Variants in EXOC4 observed in about 807,000 individuals in gnomAD.
The protein encoded by EXOC4 is exocyst complex component 4, also known as SEC8-like 1.
A neutral mutation model predicts 107.2 loss-of-function variants in EXOC4; 71 were observed. The observed-to-expected ratio is 0.66, with a 90% CI of 0.55 to 0.81. The LOEUF is 0.81. EXOC4 is among the 30% of genes least tolerant of loss of function. The pLI, the probability that EXOC4 is intolerant of heterozygous loss-of-function variation, is 0.00. For synonymous variants in EXOC4, 456 were observed against 441.2 expected, an observed-to-expected ratio of 1.03 and a Z score of -0.42; for missense variants, 1,108 against 1,189.6, an observed-to-expected ratio of 0.93 and a Z score of 1.01.
At chr7:133,713,350 A>G (rs1794933371) in intron 10 of EXOC4, among the ~76,000 whole-genome samples, 1 of 152,170 alleles carries the variant, frequency 6.6e-6, no homozygotes, top group Non-Finnish European at 1.5e-5. Flanking sequence ...AATGGGGATT[A>G]TTCTTTGACT....
At chr7:133,443,186 G>A (rs569395023) in intron 7 of EXOC4, among the ~76,000 whole-genome samples, 4 of 152,238 alleles carry the variant, frequency 2.6e-5, no homozygotes, top group South Asian at 2.1e-4. Flanking sequence ...AGGATCTCAG[G>A]CACAGGCATG....
intron 7 of EXOC4, among the ~76,000 whole-genome samples, chr7:133,467,417 C>T (rs1798756591): frequency 6.6e-6 from 1 of 151,864 alleles, no homozygotes; most frequent in Non-Finnish European, 1.5e-5. Context: ...TTTTCCTGAT[C>T]ATTCATTTTT....
intron 17 of EXOC4, among the ~76,000 whole-genome samples, chr7:134,038,679 C>A (rs1279589216): frequency 6.6e-6 from 1 of 152,142 alleles, no homozygotes; most frequent in Non-Finnish European, 1.5e-5. Context: ...CCTTCGCTAT[C>A]CTCCACGGCC....
At chr7:133,573,181 C>CA (rs560908983) in intron 9 of EXOC4, among the ~76,000 whole-genome samples, 1 of 151,946 alleles carries the variant, frequency 6.6e-6, no homozygotes, top group Non-Finnish European at 1.5e-5. Flanking sequence ...TTAATACAAA[C>CA]AAAAAAATAC....
chr7:133,706,727 C>G (rs188617114), intron 10 of EXOC4, among the ~76,000 whole-genome samples: 1 of 152,294 alleles, frequency 6.6e-6, no homozygotes, highest in Non-Finnish European at 1.5e-5. Flanking sequence ...GAGCACACCT[C>G]CATTTGGACT....
chr7:133,557,798 C>G (rs1800722383), intron 9 of EXOC4, among the ~76,000 whole-genome samples: 1 of 152,148 alleles, frequency 6.6e-6, no homozygotes, highest in Non-Finnish European at 1.5e-5. Context: ...CAAGACCAGC[C>G]TAACCAACAT....
rs1452492593 is a variant in EXOC4, at chr7:133,458,876, C to T, written c.1183-16452C>T. On this transcript the variant is annotated intron_variant, in intron 7 of 17. Coordinates refer to ENST00000253861, the MANE Select transcript of EXOC4 (RefSeq NM_021807.4). The stretch of plus-strand genomic sequence containing the variant: ...GCCCTCCCTCCCACCCCCACACCCC[C>T]GCCCTGTGAAGGGCAATATATTCTC... 1.4e-4 allele frequency among the ~76,000 whole-genome samples: 21 copies of T among 150,990 alleles called. 1 individual carries two copies. Among genetic ancestry groups the T allele is most frequent in the South Asian group, 1.3e-3 (6 of 4,674 alleles).
At chr7:133,669,845 T>C (rs1445776354) in intron 10 of EXOC4, among the ~76,000 whole-genome samples, 2 of 152,236 alleles carry the variant, frequency 1.3e-5, no homozygotes, top group Admixed American at 6.5e-5. Flanking sequence ...TTACAAGGAC[T>C]CTAAGGAATG....
intron 10 of EXOC4, among the ~76,000 whole-genome samples, chr7:133,804,740 C>T (rs367581306): frequency 5.9e-5 from 9 of 152,128 alleles, no homozygotes; most frequent in African/African-American, 1.4e-4. Flanking sequence ...CTAAATTTCA[C>T]GTTTGAGAAA....
intron 9 of EXOC4, among the ~76,000 whole-genome samples, chr7:133,614,789 CAAAAAAAAAAAAAA>C (rs35947572): frequency 2.6e-4 from 16 of 61,680 alleles, no homozygotes; most frequent in Non-Finnish European, 4.7e-4. Context: ...GTACATATGG[CAAAAAAAAAAAAAA>C]AAAAAAAAAA....
chr7:133,613,066 G>C (rs962569151), intron 9 of EXOC4, among the ~76,000 whole-genome samples: 1 of 152,018 alleles, frequency 6.6e-6, no homozygotes, highest in African/African-American at 2.4e-5. Context: ...AAGAGACAAA[G>C]TGTGTAGTCT....
chr7:133,831,026 G>A (rs1171688442), intron 11 of EXOC4, among the ~76,000 whole-genome samples: 6 of 152,174 alleles, frequency 3.9e-5, no homozygotes, highest in Middle Eastern at 3.4e-3. Context: ...GTGTGGTGGC[G>A]CGATCTCGGC....
intron 7 of EXOC4, among the ~76,000 whole-genome samples, chr7:133,437,791 G>A (rs961537051): frequency 4.6e-5 from 7 of 151,952 alleles, no homozygotes; most frequent in African/African-American, 9.7e-5. Flanking sequence ...TTTGTCAGTC[G>A]CTATTTTTGC....
intron 7 of EXOC4, among the ~76,000 whole-genome samples, chr7:133,414,732 G>A (rs993328303): frequency 3.9e-5 from 6 of 152,082 alleles, no homozygotes; most frequent in Admixed American, 2.6e-4. Context: ...TATAGTGATT[G>A]TCTATATTCT....
At chr7:133,501,379 G>A (rs996838917) in intron 9 of EXOC4, among the ~76,000 whole-genome samples, 9 of 152,130 alleles carry the variant, frequency 5.9e-5, no homozygotes, top group African/African-American at 1.7e-4. Flanking sequence ...TAGGGAAAAT[G>A]AAGTTATGTA....
chr7:133,863,130 A>G (rs1301342414), intron 11 of EXOC4, among the ~76,000 whole-genome samples: 1 of 152,200 alleles, frequency 6.6e-6, no homozygotes, highest in African/African-American at 2.4e-5. Context: ...GGAGATCTGC[A>G]CAATTTTTTT....
chr7:133,343,108 T>C (rs1419003224), intron 5 of EXOC4, among the ~76,000 whole-genome samples: 1 of 152,164 alleles, frequency 6.6e-6, no homozygotes, highest in Non-Finnish European at 1.5e-5. Flanking sequence ...TTTTGTCATA[T>C]TACCAGAATT....
chr7:133,749,960 T>G (rs75858532), intron 10 of EXOC4, among the ~76,000 whole-genome samples: 4 of 142,886 alleles, frequency 2.8e-5, no homozygotes, highest in South Asian at 4.6e-4. Flanking sequence ...TGGCAGTTTT[T>G]TTTTTTTTTT....
chr7:133,568,118 T>A (rs557520142), intron 9 of EXOC4, among the ~76,000 whole-genome samples: 1 of 152,250 alleles, frequency 6.6e-6, no homozygotes, highest in African/African-American at 2.4e-5. Context: ...TATATTTCTC[T>A]TGTGAGATTG....
Sources: allele counts gnomAD v4.1 joint callset (sites outside exome capture counted in the v4.1 genomes callset), GRCh38; gene constraint gnomAD v4.1.1; transcripts MANE v1.5; gene names NCBI Gene and HGNC (gene_info 2026-07-23, HGNC 2026-07-21).